PARN: variants seen among roughly 807,000 people sequenced by gnomAD.
The protein encoded by PARN is poly(A)-specific ribonuclease PARN.
A neutral mutation model predicts 102.8 loss-of-function variants in PARN; 71 were observed. That is an observed-to-expected ratio of 0.69 (90% CI 0.57 to 0.84). PARN has a LOEUF of 0.84. Among genes scored for constraint, PARN ranks in the 40% least tolerant of loss-of-function variants. The pLI is 0.00. For missense variants in PARN, 782 were observed against 760.9 expected (o/e 1.03, Z -0.33); for synonymous variants, 261 against 252.9 (o/e 1.03, Z -0.30).
intron 21 of PARN, among the ~76,000 whole-genome samples, chr16:14,485,839 C>T (rs1271966439): frequency 6.6e-6 from 1 of 152,118 alleles, no homozygotes; most frequent in African/African-American, 2.4e-5. Flanking sequence ...AGGCGTGCGC[C>T]ACGACGCCTG....
rs572478247 is a variant in PARN at position 14,487,072 on chromosome 16, G to A, written c.1481-4245C>T. Among the ~76,000 whole-genome samples, 8 of 152,346 alleles carry A rather than the reference G, an allele frequency of 5.3e-5. No individual in the cohort carries two copies. In the South Asian group the frequency reaches 1.7e-3, roughly 32 times the overall value. On this transcript the variant is annotated intron_variant, in intron 21 of 23. Transcript: ENST00000437198. ...CAGTCTGATCCCAACCGGCCCACCCGGGGCATCCGGTGGAAGTCTTCGCCG... is the reference window on the plus strand; with the variant it reads ...CAGTCTGATCCCAACCGGCCCACCCAGGGCATCCGGTGGAAGTCTTCGCCG...
At chr16:14,623,815 C>A (rs117106906) in intron 5 of PARN, among the ~76,000 whole-genome samples, 1 of 148,884 alleles carries the variant, frequency 6.7e-6, no homozygotes, top group African/African-American at 2.5e-5. Flanking sequence ...CCAGCCTGGG[C>A]GACAGTGTAA....
At chr16:14,528,800 C>T (rs973699332) in intron 21 of PARN, among the ~76,000 whole-genome samples, 12 of 152,064 alleles carry the variant, frequency 7.9e-5, no homozygotes, top group African/African-American at 2.4e-4. Flanking sequence ...TTCCTTCAAG[C>T]GGCTAAAATA....
chr16:14,511,724 A>C (rs1363014650), intron 21 of PARN, among the ~76,000 whole-genome samples: 1 of 152,202 alleles, frequency 6.6e-6, no homozygotes, highest in Non-Finnish European at 1.5e-5. Flanking sequence ...TTTTAGACAC[A>C]GGGTCTCACC....
intron 21 of PARN, among the ~76,000 whole-genome samples, chr16:14,538,120 A>C (rs909513313): frequency 2.0e-5 from 3 of 152,160 alleles, no homozygotes; most frequent in African/African-American, 7.2e-5. Flanking sequence ...ATACTTATCT[A>C]GGCAGAGTAA....
chr16:14,474,324 A>C (rs2151587721), intron 22 of PARN, among the ~76,000 whole-genome samples: 2 of 152,254 alleles, frequency 1.3e-5, no homozygotes, highest in East Asian at 3.9e-4. Context: ...TTTATTTGAC[A>C]TGTCTTTATT....
intron 21 of PARN, among the ~76,000 whole-genome samples, chr16:14,534,663 T>C (rs1966532935): frequency 6.6e-6 from 1 of 152,156 alleles, no homozygotes; most frequent in South Asian, 2.1e-4. Context: ...GACAGTGTCT[T>C]TCTGTGTTCC....
chr16:14,485,996 G>T (rs115309388), intron 21 of PARN, among the ~76,000 whole-genome samples: 1,533 of 152,262 alleles, frequency 0.01, 28 homozygotes, highest in African/African-American at 0.035. Flanking sequence ...CCTGGCTATT[G>T]CGTTCTTTAA....
At chr16:14,590,607 C>T (rs1328182642) in intron 13 of PARN, among the ~76,000 whole-genome samples, 3 of 149,310 alleles carry the variant, frequency 2.0e-5, no homozygotes, top group Non-Finnish European at 3.0e-5. Flanking sequence ...TGCACTCCAG[C>T]CTGGGCCACA....
chr16:14,572,336 AATCTT>A (rs758635899), intron 18 of PARN, among the ~76,000 whole-genome samples: 1 of 152,100 alleles, frequency 6.6e-6, no homozygotes, highest in Non-Finnish European at 1.5e-5. Context: ...GCTGGGAAGA[AATCTT>A]TTCTTTTTTT....
intron 6 of PARN, among the ~76,000 whole-genome samples, chr16:14,616,795 C>T (rs958953705): frequency 6.6e-6 from 1 of 151,836 alleles, no homozygotes; most frequent in Non-Finnish European, 1.5e-5. Flanking sequence ...AAAAAATAAA[C>T]ATAAAAAATA....
intron 11 of PARN, among the ~76,000 whole-genome samples, chr16:14,602,917 C>G (rs367879367): frequency 6.6e-6 from 1 of 151,794 alleles, no homozygotes; most frequent in African/African-American, 2.4e-5. Flanking sequence ...GCAATCATCT[C>G]GTATCTTTTT....
chr16:14,544,886 C>T (rs1966870164), intron 21 of PARN, among the ~76,000 whole-genome samples: 1 of 152,060 alleles, frequency 6.6e-6, no homozygotes, highest in Admixed American at 6.5e-5. Context: ...CTAAAAAAGT[C>T]AGTGAAGATA....
chr16:14,560,939 T>C (rs1264319027), intron 18 of PARN, among the ~76,000 whole-genome samples: 3 of 152,196 alleles, frequency 2.0e-5, no homozygotes, highest in Non-Finnish European at 4.4e-5. Context: ...GTAGATCACC[T>C]GAGGTCAAGA....
chr16:14,523,547 C>G (rs886548082), intron 21 of PARN, among the ~76,000 whole-genome samples: 2 of 152,088 alleles, frequency 1.3e-5, no homozygotes, highest in South Asian at 4.1e-4. Flanking sequence ...GCTTTCTGCC[C>G]CATTTCTCCG....
chr16:14,579,774 G>C (rs941311259), intron 18 of PARN, among the ~76,000 whole-genome samples: 2 of 152,048 alleles, frequency 1.3e-5, no homozygotes, highest in Non-Finnish European at 2.9e-5. Context: ...CAGGGAGTTC[G>C]AGAGAAGCCT....
At chr16:14,608,911 G>T in intron 8 of PARN, 147 bp downstream of exon 8, 1 of 617,952 alleles carries the variant, frequency 1.6e-6, no homozygotes. Context: ...ACTGTGTAAC[G>T]CTAAAGTTAG....
intron 22 of PARN, among the ~76,000 whole-genome samples, chr16:14,460,592 T>G (rs1961911405): frequency 1.3e-5 from 2 of 152,188 alleles, no homozygotes; most frequent in Non-Finnish European, 2.9e-5. Flanking sequence ...TTTAGAAACT[T>G]TCGTCAAAAC....
chr16:14,552,735 G>A (rs1314748287), intron 20 of PARN, among the ~76,000 whole-genome samples: 1 of 152,116 alleles, frequency 6.6e-6, no homozygotes, highest in African/African-American at 2.4e-5. Flanking sequence ...GATCACCTGA[G>A]GTCAGGAGTT....
Sources: gnomAD v4.1 joint callset for allele counts (sites outside exome capture counted in the v4.1 genomes callset) on GRCh38, gnomAD v4.1.1 for gene constraint, MANE v1.5 for transcripts, NCBI Gene and HGNC (gene_info 2026-07-23, HGNC 2026-07-21) for gene names.